Variants in SPC25 observed in about 807,000 individuals in gnomAD.
The protein encoded by SPC25 is SPC25 component of NDC80 kinetochore complex, also known as kinetochore protein Spc25.
A neutral mutation model predicts 29.6 loss-of-function variants in SPC25; 22 were observed. That is an observed-to-expected ratio of 0.74 (90% CI 0.53 to 1.06). SPC25 has a LOEUF of 1.06. Among genes scored for constraint, SPC25 ranks in the 50% least tolerant of loss-of-function variants. The pLI is 0.00. For synonymous variants in SPC25, 91 were observed against 90.4 expected (o/e 1.01, Z -0.04); for missense variants, 230 against 255.8 (o/e 0.90, Z 0.69).
intron 6 of SPC25, among the ~76,000 whole-genome samples, chr2:168,872,266 C>A (rs1410392687): frequency 6.6e-6 from 1 of 152,062 alleles, no homozygotes; most frequent in East Asian, 1.9e-4. Flanking sequence ...CCATGCCCAG[C>A]CTGAAAAAAG....
chr2:168,881,792 C>T (rs1690180557), intron 3 of SPC25, among the ~76,000 whole-genome samples: 1 of 152,120 alleles, frequency 6.6e-6, no homozygotes, highest in South Asian at 2.1e-4. Flanking sequence ...TAATCTTTTT[C>T]TCAAAGTTAA....
chr2:168,865,094 T>C (rs960653550), intron 4 of SPC25: 6 of 993,376 alleles, frequency 6.0e-6, no homozygotes, highest in Non-Finnish European at 8.8e-6. Flanking sequence ...TCTACCTGCA[T>C]GTCACAGCAC....
At chr2:168,864,878 T>G (rs1171134148) in intron 4 of SPC25, 1 of 1,613,996 alleles carries the variant, frequency 6.2e-7, no homozygotes, top group Admixed American at 1.7e-5. Context: ...AGGATGGTGG[T>G]TTGGATCTTT....
At chr2:168,874,396 G>A (rs1412467011) in intron 5 of SPC25, among the ~76,000 whole-genome samples, 1 of 152,148 alleles carries the variant, frequency 6.6e-6, no homozygotes, top group Non-Finnish European at 1.5e-5. Context: ...TGAAAGAATT[G>A]AAAACGGAGA....
At chr2:168,872,599 G>T (rs1358209433) in intron 6 of SPC25, among the ~76,000 whole-genome samples, 1 of 152,102 alleles carries the variant, frequency 6.6e-6, no homozygotes, top group African/African-American at 2.4e-5. Context: ...ACAGCAAAGG[G>T]CATCTGGTCC....
chr2:168,888,984 T>TATATATGTATATATATACAC (rs1559158592), intron 3 of SPC25, among the ~76,000 whole-genome samples: 12 of 87,922 alleles, frequency 1.4e-4, no homozygotes, highest in African/African-American at 1.8e-4. Flanking sequence ...CACACACACA[T>TATATATGTATATATATACAC]ATATATGTAT....
intron 3 of SPC25, 62 bp from the exon 4 acceptor site, chr2:168,877,446 A>C (rs763224139): frequency 6.4e-7 from 1 of 1,569,824 alleles, no homozygotes; most frequent in Non-Finnish European, 8.7e-7. Context: ...ATCTAAGAAA[A>C]GGCCAAAGTT....
intron 4 of SPC25, chr2:168,864,981 T>C (rs1207645134): frequency 3.7e-6 from 6 of 1,613,672 alleles, no homozygotes; most frequent in Non-Finnish European, 5.1e-6. Context: ...AACAAGACTC[T>C]GAACATACTA....
intron 5 of SPC25, among the ~76,000 whole-genome samples, chr2:168,875,144 A>G (rs1690063342): frequency 6.6e-6 from 1 of 152,186 alleles, no homozygotes; most frequent in Non-Finnish European, 1.5e-5. Flanking sequence ...GTCTATGCTC[A>G]CTGGTTTACA....
chr2:168,889,930 T>A (rs1690362927), intron 1 of SPC25, among the ~76,000 whole-genome samples: 1 of 152,096 alleles, frequency 6.6e-6, no homozygotes, highest in Admixed American at 6.5e-5. Context: ...CACACATCTA[T>A]CCTGTCTCTC....
intron 5 of SPC25, among the ~76,000 whole-genome samples, chr2:168,874,963 C>T (rs894539826): frequency 1.3e-5 from 2 of 152,170 alleles, no homozygotes; most frequent in African/African-American, 4.8e-5. Flanking sequence ...TCTAGTGAAT[C>T]ACCAAACCTG....
At chr2:168,886,545 A>T in intron 3 of SPC25, among the ~76,000 whole-genome samples, 1 of 138,678 alleles carries the variant, frequency 7.2e-6, no homozygotes, top group African/African-American at 2.7e-5. Context: ...TTTGAGATGG[A>T]GTCTTGCTCT....
In SPC25 at chr2:168,863,746, T is replaced by C; in HGVS notation, n.419+9839A>G. On this transcript the variant is annotated intron_variant and non_coding_transcript_variant, in intron 4 of 4. Transcript: ENST00000479309. Reference sequence around the variant, plus strand: ...TGTCTTGATCTTAAGAAAAGACTGTTGGTGAGACATACTTATAGCAGCCAA... The same window carrying C: ...TGTCTTGATCTTAAGAAAAGACTGTCGGTGAGACATACTTATAGCAGCCAA... 9 of 750,454 alleles carry C rather than the reference T, an allele frequency of 1.2e-5. No homozygotes were observed. The South Asian group carries it at 5.5e-4, about 46-fold the overall frequency. The allele number at this position is 750,454 out of a possible 1,614,324, so 46.5% of individuals were successfully genotyped here.
downstream of SPC25, among the ~76,000 whole-genome samples, chr2:168,868,469 TAAG>T (rs1559151195): frequency 6.6e-6 from 1 of 150,948 alleles, no homozygotes; most frequent in African/African-American, 2.4e-5. Flanking sequence ...CAAGACTAAT[TAAG>T]AAGAAAAGAG....
chr2:168,863,594 T>G, intron 4 of SPC25: 2 of 985,204 alleles, frequency 2.0e-6, no homozygotes, highest in Non-Finnish European at 2.4e-6. Flanking sequence ...TCCAAATTGA[T>G]GTTGTATTAA....
intron 5 of SPC25, among the ~76,000 whole-genome samples, chr2:168,875,795 CT>C (rs1368325365): frequency 6.6e-6 from 1 of 152,020 alleles, no homozygotes; most frequent in Non-Finnish European, 1.5e-5. Flanking sequence ...ACTATAGCAA[CT>C]GAGGAAATGC....
chr2:168,868,081 GAAC>G (rs1689902135), downstream of SPC25, among the ~76,000 whole-genome samples: 2 of 152,246 alleles, frequency 1.3e-5, no homozygotes, highest in East Asian at 3.9e-4. Context: ...CATGGAAACT[GAAC>G]AACCTGCTCC....
chr2:168,864,882 G>A, intron 4 of SPC25: 1 of 1,614,018 alleles, frequency 6.2e-7, no homozygotes, highest in Non-Finnish European at 8.5e-7. Context: ...TGGTGGTTTG[G>A]ATCTTTGAAT....
Position 168,877,307 on chromosome 2 carries a change from T to G in SPC25, c.277A>C (p.Lys93Gln). 6.2e-7 allele frequency: 1 copy of G among 1,613,868 alleles called. No homozygotes were observed. The highest frequency in any genetic ancestry group is 8.5e-7 in the Non-Finnish European group (1 of 1,179,876). The change falls in exon 4 of 7, where the codon AAG (lysine) becomes CAG (glutamine). Residue 93 changes from lysine (K) to glutamine (Q), a missense_variant. Coordinates refer to ENST00000282074, the MANE Select transcript of SPC25 (RefSeq NM_020675.4). The stretch of plus-strand genomic sequence containing the variant: ...GCAGTCAGTACTTCCAATTCCTGCT[T>G]TTTGCCTTTTACTTCAGCAATCAAT... ...LKLIAEVKGKKQELEVLTANI... is the reference protein window; with the variant it reads ...LKLIAEVKGKQQELEVLTANI...
Sources: gnomAD v4.1 joint callset for allele counts (sites outside exome capture counted in the v4.1 genomes callset) on GRCh38, gnomAD v4.1.1 for gene constraint, MANE v1.5 for transcripts, NCBI Gene and HGNC (gene_info 2026-07-23, HGNC 2026-07-21) for gene names.